PAPPA2: variants seen among roughly 807,000 people sequenced by gnomAD.
The protein encoded by PAPPA2 is pappalysin 2.
PAPPA2 carries 86 observed loss-of-function variants against 176.4 expected under a neutral mutation model. The observed-to-expected ratio is 0.49, with a 90% confidence interval of 0.41 to 0.58. The LOEUF is 0.58. PAPPA2 is among the 20% of genes least tolerant of loss of function. The pLI is 0.00. For missense variants in PAPPA2, 2,073 were observed against 2,256.9 expected (o/e 0.92, Z 1.65); for synonymous variants, 809 against 852.2 (o/e 0.95, Z 0.88).
At chr1:176,666,137 A>G (rs1488891551) in intron 3 of PAPPA2, among the ~76,000 whole-genome samples, 1 of 152,222 alleles carries the variant, frequency 6.6e-6, no homozygotes, top group Non-Finnish European at 1.5e-5. Context: ...GGAACTCACA[A>G]TGGAGACTGA....
chr1:176,712,700 A>G (rs1661198999), intron 12 of PAPPA2, among the ~76,000 whole-genome samples: 3 of 152,202 alleles, frequency 2.0e-5, no homozygotes, highest in African/African-American at 7.2e-5. Flanking sequence ...ACAGATGGGT[A>G]TATTTGGAAC....
chr1:176,793,471 CTTTAAA>C, intron 19 of PAPPA2, 83 bp from the exon 20 acceptor site: 1 of 1,133,446 alleles, frequency 8.8e-7, no homozygotes, highest in Non-Finnish European at 1.3e-6. Context: ...AGCAGTTGTT[CTTTAAA>C]AACTCAAAGC....
chr1:176,620,002 A>T (rs1215912431), intron 3 of PAPPA2, among the ~76,000 whole-genome samples: 2 of 152,212 alleles, frequency 1.3e-5, no homozygotes, highest in East Asian at 3.9e-4. Flanking sequence ...ATCATAATAT[A>T]GGTGGCTTAT....
intron 12 of PAPPA2, among the ~76,000 whole-genome samples, chr1:176,720,779 A>C (rs1034370194): frequency 2.6e-5 from 4 of 152,134 alleles, no homozygotes; most frequent in Non-Finnish European, 5.9e-5. Flanking sequence ...ACTCAGTCCA[A>C]GTCCAAAAGC....
chr1:176,651,967 G>T (rs930855653), intron 3 of PAPPA2, among the ~76,000 whole-genome samples: 2 of 151,042 alleles, frequency 1.3e-5, no homozygotes, highest in African/African-American at 4.9e-5. Flanking sequence ...GTATTTCTCA[G>T]TTCCAACATT....
At chr1:176,480,164 AC>A (rs966247495) in intron 1 of PAPPA2, among the ~76,000 whole-genome samples, 1 of 152,020 alleles carries the variant, frequency 6.6e-6, no homozygotes, top group African/African-American at 2.4e-5. Flanking sequence ...TGCAGTCCAC[AC>A]CTACCTCTCT....
chr1:176,621,414 G>T (rs1655588544), intron 3 of PAPPA2, among the ~76,000 whole-genome samples: 1 of 152,116 alleles, frequency 6.6e-6, no homozygotes. Context: ...GGCCAAAGCT[G>T]TTGTTCTCAC....
chr1:176,807,496 TC>T (rs369979960), intron 21 of PAPPA2, among the ~76,000 whole-genome samples: 14 of 149,568 alleles, frequency 9.4e-5, no homozygotes, highest in African/African-American at 3.5e-4. Flanking sequence ...TTTCTTTCTT[TC>T]TTTTTTTTTT....
At chr1:176,763,141 A>G (rs2102902679) in intron 14 of PAPPA2, among the ~76,000 whole-genome samples, 1 of 152,284 alleles carries the variant, frequency 6.6e-6, no homozygotes, top group African/African-American at 2.4e-5. Flanking sequence ...ACTTTCTTAT[A>G]TTGTTGCCCA....
chr1:176,536,416 C>T (rs150467852), intron 1 of PAPPA2, among the ~76,000 whole-genome samples: 55 of 152,348 alleles, frequency 3.6e-4, no homozygotes, highest in African/African-American at 1.2e-3. Context: ...ACCTCACTGA[C>T]ACACATGGTA....
rs1665176938 is a variant in PAPPA2, at chr1:176,791,484, T to G, written c.5020+2T>G. 1 of 1,613,174 alleles carries G rather than the reference T, an allele frequency of 6.2e-7. No individual in the cohort carries two copies. The highest frequency in any genetic ancestry group is 2.2e-5 in the East Asian group (1 of 44,872). On this transcript the variant is annotated splice_donor_variant, in intron 19 of 22. Coordinates refer to ENST00000367662, the MANE Select transcript of PAPPA2 (RefSeq NM_020318.3). LOFTEE classifies it high-confidence loss of function. Reference sequence around the variant, plus strand: ...AATGTGAACAAGGATATGGGATTGGTAAGGATAGGAGTGAATCTTAAAGTC... The same window carrying G: ...AATGTGAACAAGGATATGGGATTGGGAAGGATAGGAGTGAATCTTAAAGTC...
intron 4 of PAPPA2, among the ~76,000 whole-genome samples, chr1:176,676,939 G>C (rs2102783933): frequency 6.6e-6 from 1 of 152,172 alleles, no homozygotes; most frequent in South Asian, 2.1e-4. Context: ...ACTTATAATG[G>C]AATTGCAAAA....
At chr1:176,596,596 G>T (rs189418949) in intron 3 of PAPPA2, among the ~76,000 whole-genome samples, 1 of 152,300 alleles carries the variant, frequency 6.6e-6, no homozygotes, top group Admixed American at 6.5e-5. Context: ...CAGATAATTT[G>T]TCTTTCACGT....
chr1:176,542,762 G>C (rs960759878), intron 1 of PAPPA2, among the ~76,000 whole-genome samples: 2 of 152,162 alleles, frequency 1.3e-5, no homozygotes, highest in African/African-American at 4.8e-5. Context: ...GGCTGGAATG[G>C]GATTTAGGAA....
intron 12 of PAPPA2, among the ~76,000 whole-genome samples, chr1:176,732,863 C>T (rs1334598227): frequency 6.6e-6 from 1 of 152,196 alleles, no homozygotes; most frequent in Non-Finnish European, 1.5e-5. Flanking sequence ...ACCCAACCCT[C>T]AGGCTATGGA....
rs1657499620 is a variant in PAPPA2 at position 176,647,853 on chromosome 1, TGTATTTTGAAATCAG to T, written c.1992-23107_1992-23093del. On this transcript the variant is annotated intron_variant, in intron 3 of 22. Transcript: ENST00000367662. ...CATTTTGGCTGCTATAACTTTGTAG[TGTATTTTGAAATCAG>T]GTATTTTGAGGCCTCCAGCTTTGTT... Among the ~76,000 whole-genome samples the T allele has an allele frequency of 4.0e-5, 6 of 151,756 alleles. No individual in the cohort carries two copies. The South Asian group carries it at 1.2e-3, about 31-fold the overall frequency.
At chr1:176,785,249 A>G (rs1290657449) in intron 17 of PAPPA2, among the ~76,000 whole-genome samples, 1 of 152,184 alleles carries the variant, frequency 6.6e-6, no homozygotes, top group African/African-American at 2.4e-5. Flanking sequence ...GTTCCATACC[A>G]TGAATTCTCA....
intron 1 of PAPPA2, among the ~76,000 whole-genome samples, chr1:176,550,951 A>G (rs979384038): frequency 1.6e-4 from 25 of 152,172 alleles, no homozygotes; most frequent in African/African-American, 5.1e-4. Flanking sequence ...CAATTGACAA[A>G]TGGCTGGCAA....
At chr1:176,836,245 T>C (rs1464139287) in intron 21 of PAPPA2, among the ~76,000 whole-genome samples, 1 of 152,218 alleles carries the variant, frequency 6.6e-6, no homozygotes, top group Non-Finnish European at 1.5e-5. Flanking sequence ...CGAGAAGTTT[T>C]TTTTATGAAA....
Sources: gnomAD v4.1 joint callset for allele counts (sites outside exome capture counted in the v4.1 genomes callset) on GRCh38, gnomAD v4.1.1 for gene constraint, MANE v1.5 for transcripts, NCBI Gene and HGNC (gene_info 2026-07-23, HGNC 2026-07-21) for gene names.